MIS18A: variants seen among roughly 807,000 people sequenced by gnomAD.
The protein encoded by MIS18A is MIS18 kinetochore protein A.
Under a neutral mutation model 25.0 loss-of-function variants are expected in MIS18A, and 14 were observed. That is an observed-to-expected ratio of 0.56 (90% CI 0.37 to 0.88). The LOEUF is 0.88. Among genes scored for constraint, MIS18A ranks in the 40% least tolerant of loss-of-function variants. MIS18A has a pLI of 0.00. For synonymous variants in MIS18A, 134 were observed against 118.6 expected (o/e 1.13, Z -0.84); for missense variants, 292 against 290.8 (o/e 1.00, Z -0.03).
the MIS18A span, among the ~76,000 whole-genome samples, chr21:32,203,811 G>T: frequency 6.6e-6 from 1 of 151,756 alleles, no homozygotes; most frequent in South Asian, 2.1e-4. Flanking sequence ...TAGAGACAAG[G>T]TTTCACTATG....
At chr21:32,241,368 T>TA in the MIS18A span, among the ~76,000 whole-genome samples, 10,163 of 88,366 alleles carry the variant, frequency 0.12, 513 homozygotes, top group South Asian at 0.23. Flanking sequence ...TAGCTGACAA[T>TA]AAAAAAAAAA....
At chr21:32,248,328 A>G in the MIS18A span, among the ~76,000 whole-genome samples, 3 of 152,190 alleles carry the variant, frequency 2.0e-5, no homozygotes, top group African/African-American at 7.2e-5. Flanking sequence ...GATATTAAGC[A>G]GCCAGTCCAA....
the MIS18A span, among the ~76,000 whole-genome samples, chr21:32,156,078 G>C: frequency 4.6e-5 from 7 of 150,710 alleles, no homozygotes; most frequent in Admixed American, 2.0e-4. Flanking sequence ...TAATTTAAAA[G>C]AAAAAGATTT....
chr21:32,158,287 GCA>G, the MIS18A span, among the ~76,000 whole-genome samples: 1 of 151,948 alleles, frequency 6.6e-6, no homozygotes, highest in South Asian at 2.1e-4. Context: ...AGAAATGGTG[GCA>G]CTTTAAAGAT....
At chr21:32,186,672 GAA>G in the MIS18A span, among the ~76,000 whole-genome samples, 1 of 152,130 alleles carries the variant, frequency 6.6e-6, no homozygotes, top group East Asian at 1.9e-4. Flanking sequence ...GTGAGAGAGA[GAA>G]AGAAATTAAG....
At chr21:32,165,660 A>G in the MIS18A span, among the ~76,000 whole-genome samples, 1 of 152,124 alleles carries the variant, frequency 6.6e-6, no homozygotes, top group Non-Finnish European at 1.5e-5. Flanking sequence ...AAAAACCCCA[A>G]AACCATGGGA....
At chr21:32,174,355 G>A in the MIS18A span, among the ~76,000 whole-genome samples, 1 of 152,038 alleles carries the variant, frequency 6.6e-6, no homozygotes, top group East Asian at 1.9e-4. Context: ...GTAAAATAAT[G>A]AAAAATATAT....
At chr21:32,239,343 T>C in the MIS18A span, among the ~76,000 whole-genome samples, 1,182 of 152,294 alleles carry the variant, frequency 7.8e-3, 13 homozygotes, top group African/African-American at 0.027. Flanking sequence ...ATATTTTACC[T>C]GAACTTAAAG....
At chr21:32,218,034 A>C in the MIS18A span, among the ~76,000 whole-genome samples, 1 of 151,828 alleles carries the variant, frequency 6.6e-6, no homozygotes, top group African/African-American at 2.4e-5. Flanking sequence ...TCTACTAAAA[A>C]TATAAAAAAT....
At chr21:32,206,119 C>T in the MIS18A span, among the ~76,000 whole-genome samples, 1 of 152,150 alleles carries the variant, frequency 6.6e-6, no homozygotes, top group African/African-American at 2.4e-5. Context: ...CTCATGTGGT[C>T]CCATCTGACT....
Position 32,269,080 on chromosome 21 carries a change from C to T in MIS18A, c.659G>A (p.Trp220Ter). 2 of 1,605,726 alleles carry T rather than the reference C, an allele frequency of 1.2e-6. No individual in the cohort carries two copies. Among genetic ancestry groups the T allele is most frequent in the Non-Finnish European group, 8.5e-7 (1 of 1,175,004 alleles). The change falls in exon 5 of 5, where the codon TGG becomes TAG. Residue 220 changes from tryptophan (W) to a stop codon, truncating the protein, a stop_gained. Transcript: ENST00000290130. LOFTEE classifies it high-confidence loss of function. The stretch of plus-strand genomic sequence containing the variant: ...AAAGGACAATTTGGATTCGGCCTCC[C>T]ACAGCTTCATTTGTAATGCTTTCAA... The part of the protein sequence containing the change: ...DVLKALQMKL[W>*]EAESKLSFAT...
intron 1 of MIS18A, chr21:32,278,310 T>C (rs2123474027): frequency 4.5e-6 from 1 of 220,196 alleles, no homozygotes; most frequent in East Asian, 1.1e-4. Flanking sequence ...CTAATTTCTA[T>C]GGGGAGTAAT....
chr21:32,193,861 A>G, the MIS18A span, among the ~76,000 whole-genome samples: 1 of 152,198 alleles, frequency 6.6e-6, no homozygotes, highest in Non-Finnish European at 1.5e-5. Flanking sequence ...ATGGCTTCTC[A>G]GCATTGGCTC....
the MIS18A span, among the ~76,000 whole-genome samples, chr21:32,178,067 T>C: frequency 0.61 from 91,859 of 151,568 alleles, 28,967 homozygotes; most frequent in African/African-American, 0.79. Context: ...CACATGAGCA[T>C]GCCACTATAC....
At chr21:32,245,032 G>T in the MIS18A span, among the ~76,000 whole-genome samples, 1 of 152,092 alleles carries the variant, frequency 6.6e-6, no homozygotes, top group Non-Finnish European at 1.5e-5. Flanking sequence ...GTTGAAATCT[G>T]GATTTCATTT....
At chr21:32,171,785 T>C in the MIS18A span, among the ~76,000 whole-genome samples, 1 of 152,048 alleles carries the variant, frequency 6.6e-6, no homozygotes, top group Non-Finnish European at 1.5e-5. Flanking sequence ...ATACGGCACA[T>C]GATTGTACAA....
At chr21:32,241,657 A>G in the MIS18A span, among the ~76,000 whole-genome samples, 3 of 152,240 alleles carry the variant, frequency 2.0e-5, no homozygotes, top group Admixed American at 6.5e-5. Flanking sequence ...AGGGCTTCTC[A>G]GGCTGGGTTT....
At chr21:32,254,487 C>T in the MIS18A span, among the ~76,000 whole-genome samples, 174 of 150,652 alleles carry the variant, frequency 1.2e-3, no homozygotes, top group African/African-American at 3.8e-3. Context: ...GCCAAGATTG[C>T]GTCATTGCAC....
intron 1 of MIS18A, chr21:32,278,223 A>G (rs2031852631): frequency 1.2e-5 from 2 of 160,554 alleles, no homozygotes; most frequent in East Asian, 1.9e-4. Context: ...TTTCTTCCCT[A>G]TAGCACTGTG....
Sources: allele counts gnomAD v4.1 joint callset (sites outside exome capture counted in the v4.1 genomes callset), GRCh38; gene constraint gnomAD v4.1.1; transcripts MANE v1.5; gene names NCBI Gene and HGNC (gene_info 2026-07-23, HGNC 2026-07-21).